Variants in ARL15 observed in about 807,000 individuals in gnomAD.
ARL15 encodes ADP-ribosylation factor-like protein 15.
ARL15 carries 19 observed loss-of-function variants against 25.2 expected under a neutral mutation model. That is an observed-to-expected ratio of 0.75 (90% CI 0.53 to 1.10). The LOEUF is 1.10. Ranked by LOEUF, ARL15 falls within the 50% of genes least tolerant of loss-of-function variation. The pLI is 0.00. For missense variants in ARL15, 220 were observed against 246.0 expected, an observed-to-expected ratio of 0.89 and a Z score of 0.71; for synonymous variants, 94 against 86.8, an observed-to-expected ratio of 1.08 and a Z score of -0.46.
intron 4 of ARL15, among the ~76,000 whole-genome samples, chr5:53,978,722 A>AAT (rs962910237): frequency 1.3e-4 from 19 of 151,976 alleles, no homozygotes; most frequent in African/African-American, 4.3e-4. Context: ...TTCATATAAG[A>AAT]ATATATATAT....
intron 1 of ARL15, among the ~76,000 whole-genome samples, chr5:54,241,421 A>G (rs1435855457): frequency 6.6e-6 from 1 of 152,134 alleles, no homozygotes; most frequent in Non-Finnish European, 1.5e-5. Flanking sequence ...TCTTTCTAAA[A>G]TGTAATATAC....
intron 4 of ARL15, among the ~76,000 whole-genome samples, chr5:53,943,641 A>G (rs898981149): frequency 6.6e-6 from 1 of 152,228 alleles, no homozygotes; most frequent in Non-Finnish European, 1.5e-5. Context: ...CAGGTGGTAC[A>G]GCTACTTATA....
intron 3 of ARL15, among the ~76,000 whole-genome samples, chr5:54,141,486 ATTAAGAGTATCT>A (rs1326558305): frequency 1.3e-5 from 2 of 152,172 alleles, no homozygotes; most frequent in Admixed American, 6.5e-5. Flanking sequence ...ACTGGAGATA[ATTAAGAGTATCT>A]TTTAATTTTG....
intron 3 of ARL15, among the ~76,000 whole-genome samples, chr5:54,142,962 G>A (rs1753813155): frequency 6.6e-6 from 1 of 152,002 alleles, no homozygotes; most frequent in South Asian, 2.1e-4. Flanking sequence ...AATTTTGTTG[G>A]CTGTGCCATT....
At chr5:54,034,495 A>G (rs1187257712) in intron 4 of ARL15, among the ~76,000 whole-genome samples, 1 of 152,206 alleles carries the variant, frequency 6.6e-6, no homozygotes, top group African/African-American at 2.4e-5. Flanking sequence ...TTCAAATGCT[A>G]TTTGTTAAAG....
chr5:54,115,998 T>A (rs1366722661), intron 3 of ARL15, among the ~76,000 whole-genome samples: 2 of 152,016 alleles, frequency 1.3e-5, no homozygotes, highest in Admixed American at 1.3e-4. Flanking sequence ...TAAGCTAGAA[T>A]GGGGGAAGAA....
chr5:53,897,876 A>G (rs564860920), intron 4 of ARL15, among the ~76,000 whole-genome samples: 38 of 152,318 alleles, frequency 2.5e-4, no homozygotes, highest in African/African-American at 8.9e-4. Flanking sequence ...AAATCCATGT[A>G]TAACTTTTAA....
intron 1 of ARL15, among the ~76,000 whole-genome samples, chr5:54,250,671 A>T (rs146293931): frequency 0.012 from 1,828 of 152,100 alleles, 42 homozygotes; most frequent in African/African-American, 0.042. Flanking sequence ...TAGGGACGGG[A>T]CCAAAAAAAA....
At chr5:54,178,420 C>T (rs1754949645) in intron 1 of ARL15, among the ~76,000 whole-genome samples, 1 of 152,176 alleles carries the variant, frequency 6.6e-6, no homozygotes, top group Non-Finnish European at 1.5e-5. Flanking sequence ...CAATACTGGT[C>T]TCGCCAGACA....
At chr5:54,230,245 G>T (rs1273377767) in intron 1 of ARL15, among the ~76,000 whole-genome samples, 4 of 151,634 alleles carry the variant, frequency 2.6e-5, no homozygotes, top group Non-Finnish European at 5.9e-5. Flanking sequence ...TACTTGGGAG[G>T]CTGAGGCAGG....
chr5:54,119,839 A>G (rs900291284), intron 3 of ARL15, among the ~76,000 whole-genome samples: 1 of 152,186 alleles, frequency 6.6e-6, no homozygotes, highest in Non-Finnish European at 1.5e-5. Context: ...CAGGGGCCAG[A>G]TCAAATGTTG....
chr5:54,299,193 T>C (rs532908785), intron 1 of ARL15, among the ~76,000 whole-genome samples: 76 of 152,326 alleles, frequency 5.0e-4, no homozygotes, highest in African/African-American at 1.7e-3. Flanking sequence ...CAAGCCACCA[T>C]GACTGGCTGC....
intron 4 of ARL15, among the ~76,000 whole-genome samples, chr5:54,021,227 T>C (rs697100): frequency 0.55 from 83,613 of 151,580 alleles, 23,504 homozygotes; most frequent in Admixed American, 0.62. Context: ...CCCAGGTACT[T>C]GGGAGGCTGA....
chr5:54,113,354 T>C lies in ARL15; in HGVS notation c.310A>G (p.Ile104Val). The C allele has an allele frequency of 2.5e-6, 4 of 1,613,962 alleles. No homozygotes were observed. The highest frequency in any genetic ancestry group is 1.1e-5 in the South Asian group (1 of 91,090). The change falls in exon 4 of 5, where the codon ATA (isoleucine) becomes GTA (valine). Residue 104 changes from isoleucine to valine, a missense_variant. By Grantham distance (29) the Ile-to-Val change is conservative. Transcript: ENST00000504924. ...SRYYQGSQGV[I>V]FVLDSASSED... is the part of the protein sequence containing the mutation. ...GAAGAGGCACTGTCTAATACAAATATTACCCCTTGAGATCCTTGGTAGTAG... is the reference window on the plus strand; with the variant it reads ...GAAGAGGCACTGTCTAATACAAATACTACCCCTTGAGATCCTTGGTAGTAG...
chr5:54,086,392 G>C (rs923343802), intron 4 of ARL15, among the ~76,000 whole-genome samples: 1 of 151,516 alleles, frequency 6.6e-6, no homozygotes, highest in Non-Finnish European at 1.5e-5. Flanking sequence ...GAACTTTAGG[G>C]AAGTGCTTTA....
intron 4 of ARL15, among the ~76,000 whole-genome samples, chr5:53,890,312 A>T (rs1017977436): frequency 6.6e-5 from 10 of 152,078 alleles, no homozygotes; most frequent in African/African-American, 2.4e-4. Context: ...ATCTGACGTT[A>T]TTTTTAAGGT....
chr5:54,215,900 T>C (rs560552780), intron 1 of ARL15, among the ~76,000 whole-genome samples: 22 of 152,292 alleles, frequency 1.4e-4, no homozygotes, highest in Non-Finnish European at 2.9e-4. Flanking sequence ...AAATTTTCAA[T>C]ATTGCATACA....
chr5:54,073,124 C>T (rs190351095), intron 4 of ARL15, among the ~76,000 whole-genome samples: 13 of 152,264 alleles, frequency 8.5e-5, no homozygotes, highest in Admixed American at 8.5e-4. Context: ...TAACTGTAAC[C>T]ATACTGAACA....
chr5:54,289,431 C>T (rs1758266777), intron 1 of ARL15, among the ~76,000 whole-genome samples: 1 of 151,430 alleles, frequency 6.6e-6, no homozygotes, highest in East Asian at 1.9e-4. Flanking sequence ...TAAGAGCAGA[C>T]GTGGTCATTC....
Sources: gnomAD v4.1 joint callset for allele counts (sites outside exome capture counted in the v4.1 genomes callset) on GRCh38, gnomAD v4.1.1 for gene constraint, MANE v1.5 for transcripts, NCBI Gene and HGNC (gene_info 2026-07-23, HGNC 2026-07-21) for gene names.